PCDH15: variants seen among roughly 807,000 people sequenced by gnomAD.
PCDH15 encodes protocadherin related 15, also known as protocadherin-15.
Under a neutral mutation model 178.5 loss-of-function variants are expected in PCDH15, and 129 were observed. The observed-to-expected ratio is 0.72, with a 90% CI of 0.63 to 0.84. The LOEUF (loss-of-function observed/expected upper bound fraction) is 0.84. PCDH15 is among the 40% of genes least tolerant of loss of function. The pLI is 0.00. For missense variants in PCDH15, 2,230 were observed against 2,099.9 expected, an observed-to-expected ratio of 1.06 and a Z score of -1.21; for synonymous variants, 800 against 732.0, an observed-to-expected ratio of 1.09 and a Z score of -1.50.
At chr10:54,010,114 C>T (rs747776817) in intron 20 of PCDH15, among the ~76,000 whole-genome samples, 8 of 152,310 alleles carry the variant, frequency 5.3e-5, no homozygotes, top group South Asian at 2.1e-4. Flanking sequence ...TTCTCTGGGA[C>T]GGAGCTCCCA....
At chr10:54,456,241 A>T (rs547406275) in intron 3 of PCDH15, among the ~76,000 whole-genome samples, 2 of 152,250 alleles carry the variant, frequency 1.3e-5, no homozygotes, top group East Asian at 3.9e-4. Context: ...CAGCCTGTGA[A>T]AGCAGCTGAA....
chr10:54,307,995 T>C (rs1164702136), intron 8 of PCDH15, among the ~76,000 whole-genome samples: 1 of 152,088 alleles, frequency 6.6e-6, no homozygotes, highest in Non-Finnish European at 1.5e-5. Flanking sequence ...AATCTTCTTT[T>C]ATAGTAGTCA....
chr10:54,265,576 A>G (rs2057620357), intron 8 of PCDH15, among the ~76,000 whole-genome samples: 2 of 152,090 alleles, frequency 1.3e-5, no homozygotes, highest in African/African-American at 4.8e-5. Context: ...AAAGGGATAG[A>G]GAAAGATTAA....
At chr10:55,293,222 C>A (rs969784520) in intron 1 of PCDH15, among the ~76,000 whole-genome samples, 1 of 152,176 alleles carries the variant, frequency 6.6e-6, no homozygotes, top group Non-Finnish European at 1.5e-5. Context: ...CCCCTATCAG[C>A]CACAGCCAGA....
chr10:53,842,402 C>G (rs1342186895), intron 28 of PCDH15, among the ~76,000 whole-genome samples: 1 of 152,084 alleles, frequency 6.6e-6, no homozygotes, highest in African/African-American at 2.4e-5. Flanking sequence ...TGCACCACCA[C>G]ACCTGGCTAA....
intron 2 of PCDH15, among the ~76,000 whole-genome samples, chr10:55,076,569 A>G (rs1426666290): frequency 6.6e-6 from 1 of 151,166 alleles, no homozygotes; most frequent in East Asian, 2.0e-4. Context: ...CTCAGCCTCC[A>G]AAGTAGTTGG....
chr10:54,331,621 T>C (rs1453493038), intron 6 of PCDH15, among the ~76,000 whole-genome samples: 1 of 152,072 alleles, frequency 6.6e-6, no homozygotes, highest in Non-Finnish European at 1.5e-5. Context: ...TAATAATTGC[T>C]GTTTACACTG....
intron 2 of PCDH15, among the ~76,000 whole-genome samples, chr10:55,159,510 C>T (rs181628895): frequency 2.7e-4 from 41 of 149,532 alleles, no homozygotes; most frequent in African/African-American, 8.3e-4. Context: ...CACATATACA[C>T]ACACACAACT....
rs886249329 is a variant in PCDH15, at chr10:55,200,170, C to T, written c.-155-33519G>A. Among the ~76,000 whole-genome samples, 4 of 152,124 alleles carry T rather than the reference C, an allele frequency of 2.6e-5. 1 individual carries two copies. The highest frequency in any genetic ancestry group is 9.7e-5 in the African/African-American group (4 of 41,380). Reference sequence around the variant, plus strand: ...AAAAGACACAGGCACTCAACACTAGCTCATGAAAACATTCATGGGGAATGT... The same window carrying T: ...AAAAGACACAGGCACTCAACACTAGTTCATGAAAACATTCATGGGGAATGT... On this transcript the variant is annotated intron_variant, in intron 1 of 5. Transcript: ENST00000458638.
At chr10:54,042,558 A>G (rs1392940443) in intron 18 of PCDH15, among the ~76,000 whole-genome samples, 1 of 151,994 alleles carries the variant, frequency 6.6e-6, no homozygotes, top group Non-Finnish European at 1.5e-5. Flanking sequence ...AGGTAACAAC[A>G]AGTACAAAAT....
chr10:54,003,736 CAAAAAAA>C (rs55871741), intron 20 of PCDH15, among the ~76,000 whole-genome samples: 1 of 76,206 alleles, frequency 1.3e-5, no homozygotes, highest in Non-Finnish European at 2.4e-5. Context: ...CAAACTATTC[CAAAAAAA>C]AAAAAAAAAA....
chr10:53,892,198 G>GCAA, intron 26 of PCDH15, among the ~76,000 whole-genome samples: 1 of 151,448 alleles, frequency 6.6e-6, no homozygotes, highest in African/African-American at 2.4e-5. Flanking sequence ...CTAATTTTTT[G>GCAA]TAGTTTTTAG....
At chr10:54,737,686 G>A (rs1192328083) in intron 1 of PCDH15, among the ~76,000 whole-genome samples, 1 of 148,608 alleles carries the variant, frequency 6.7e-6, no homozygotes, top group Non-Finnish European at 1.5e-5. Context: ...TAAGATTTTA[G>A]TCAAACTTTG....
chr10:54,170,563 T>C lies in PCDH15; in HGVS notation c.1590+12881A>G, dbSNP rs11004118. On this transcript the variant is annotated intron_variant, in intron 13 of 37. Coordinates refer to ENST00000644397, the MANE Select transcript of PCDH15 (RefSeq NM_001384140.1). ...AGCTCCTTCAGCTATACTCACTCTT[T>C]GTTGAGTCTCCCACAATTACCGTCG... 1.8e-3 allele frequency among the ~76,000 whole-genome samples: 267 copies of C among 151,198 alleles called. 2 individuals carry two copies. The highest frequency in any genetic ancestry group is 2.6e-3 in the Non-Finnish European group (178 of 67,998).
At chr10:54,465,165 CAT>C (rs780165048) in intron 3 of PCDH15, among the ~76,000 whole-genome samples, 6 of 151,946 alleles carry the variant, frequency 3.9e-5, no homozygotes, top group Non-Finnish European at 7.4e-5. Context: ...TTACAGGGGA[CAT>C]GTGATTTTTT....
At chr10:54,720,965 T>C (rs1941501600) in intron 1 of PCDH15, among the ~76,000 whole-genome samples, 1 of 152,014 alleles carries the variant, frequency 6.6e-6, no homozygotes, top group Non-Finnish European at 1.5e-5. Context: ...TAGAGCATTC[T>C]CCTAAACCGA....
At chr10:54,560,026 T>TTATGTAA in intron 2 of PCDH15, among the ~76,000 whole-genome samples, 1 of 152,162 alleles carries the variant, frequency 6.6e-6, no homozygotes, top group Non-Finnish European at 1.5e-5. Context: ...TTTATGTAAC[T>TTATGTAA]CAATTTGTTG....
chr10:54,777,498 G>A (rs1356073160), intron 1 of PCDH15, among the ~76,000 whole-genome samples: 1 of 152,156 alleles, frequency 6.6e-6, no homozygotes, highest in Non-Finnish European at 1.5e-5. Context: ...GGATTTCAAG[G>A]ATATGAGGCG....
intron 1 of PCDH15, among the ~76,000 whole-genome samples, chr10:54,769,594 C>T (rs1429336836): frequency 2.6e-5 from 4 of 151,826 alleles, no homozygotes; most frequent in Non-Finnish European, 5.9e-5. Context: ...GATATATTTA[C>T]AGGAAACATC....
Sources: gnomAD v4.1 joint callset for allele counts (sites outside exome capture counted in the v4.1 genomes callset) on GRCh38, gnomAD v4.1.1 for gene constraint, MANE v1.5 for transcripts, NCBI Gene and HGNC (gene_info 2026-07-23, HGNC 2026-07-21) for gene names.